The following BMP2K variants were observed in gnomAD, a reference collection of about 807,000 sequenced individuals.
BMP2K encodes BMP-2-inducible protein kinase.
In BMP2K, 74 loss-of-function variants were observed where a neutral mutation model predicts 116.0. The ratio of observed to expected loss-of-function variants is 0.64; its 90% CI spans 0.53 to 0.77. BMP2K has a LOEUF of 0.77. Ranked by LOEUF, BMP2K falls within the 30% of genes least tolerant of loss-of-function variation. The pLI is 0.00. For synonymous variants in BMP2K, 486 were observed against 502.5 expected (o/e 0.97, Z 0.44); for missense variants, 1,365 against 1,403.6 (o/e 0.97, Z 0.44).
chr4:78,837,290 A>G (rs1222555896), intron 3 of BMP2K, among the ~76,000 whole-genome samples: 1 of 152,050 alleles, frequency 6.6e-6, no homozygotes, highest in Admixed American at 6.6e-5. Flanking sequence ...TTGTGGGTTC[A>G]AGTAATTCTC....
Position 78,776,798 on chromosome 4 carries a change from C to T in BMP2K, c.178+77C>T, listed in dbSNP as rs886640839. The T allele has an allele frequency of 8.9e-5, 104 of 1,165,598 alleles. No individual in the cohort carries two copies. The Middle Eastern group carries it at 2.1e-3, about 23-fold the overall frequency. 72.2% of individuals were successfully genotyped at this position (1,165,598 alleles called of 1,614,324 possible). On this transcript the variant is annotated intron_variant, in intron 1 of 15. Transcript: ENST00000502613. ...TGGCGGCGGCTTCTCCGGGTCCTCGCCCTCCGGACTGACTCTTATACCCCA... is the reference window on the plus strand; with the variant it reads ...TGGCGGCGGCTTCTCCGGGTCCTCGTCCTCCGGACTGACTCTTATACCCCA...
intron 4 of BMP2K, among the ~76,000 whole-genome samples, chr4:78,843,536 T>G (rs917363999): frequency 6.6e-6 from 1 of 151,924 alleles, no homozygotes; most frequent in African/African-American, 2.4e-5. Context: ...TCTGACTGAT[T>G]ATACAGAATT....
chr4:78,856,746 G>C (rs920937920), intron 7 of BMP2K, among the ~76,000 whole-genome samples: 1 of 152,080 alleles, frequency 6.6e-6, no homozygotes, highest in Admixed American at 6.6e-5. Context: ...GAAGGAGCCT[G>C]TTCCTCTGTT....
intron 13 of BMP2K, among the ~76,000 whole-genome samples, chr4:78,873,392 T>C (rs1732468187): frequency 6.6e-6 from 1 of 152,342 alleles, no homozygotes; most frequent in South Asian, 2.1e-4. Context: ...GCACGTGCTT[T>C]AGCATCTTGT....
chr4:78,810,611 C>T (rs1394113966), intron 1 of BMP2K, among the ~76,000 whole-genome samples: 1 of 152,158 alleles, frequency 6.6e-6, no homozygotes, highest in Non-Finnish European at 1.5e-5. Flanking sequence ...ACAGGTCTAA[C>T]AGTGACAAGT....
intron 1 of BMP2K, among the ~76,000 whole-genome samples, chr4:78,799,841 T>G (rs902573977): frequency 2.6e-5 from 4 of 152,212 alleles, no homozygotes; most frequent in Non-Finnish European, 1.5e-5. Flanking sequence ...CAACTCAGGT[T>G]GAAAGTAGAC....
chr4:78,850,843 T>C, intron 6 of BMP2K, 81 bp from the exon 7 acceptor site: 1 of 1,476,728 alleles, frequency 6.8e-7, no homozygotes, highest in African/African-American at 1.4e-5. Context: ...ATGACTTTTT[T>C]AAAGTAACAT....
intron 1 of BMP2K, among the ~76,000 whole-genome samples, chr4:78,791,395 G>A (rs531737659): frequency 2.2e-4 from 34 of 152,098 alleles, no homozygotes; most frequent in Non-Finnish European, 4.0e-4. Context: ...GTAGTGAAAA[G>A]CATTTCATTA....
At chr4:78,898,288 A>G (rs957553941) in intron 15 of BMP2K, among the ~76,000 whole-genome samples, 6 of 152,140 alleles carry the variant, frequency 3.9e-5, no homozygotes, top group Non-Finnish European at 8.8e-5. Flanking sequence ...ATTACATTAC[A>G]TAGAGCAAAT....
At chr4:78,867,562 C>T (rs1732117473) in intron 10 of BMP2K, among the ~76,000 whole-genome samples, 1 of 152,024 alleles carries the variant, frequency 6.6e-6, no homozygotes, top group African/African-American at 2.4e-5. Context: ...CATTTCTTCA[C>T]CCTTTAAAAA....
At chr4:78,794,999 G>T (rs1244194578) in intron 1 of BMP2K, among the ~76,000 whole-genome samples, 1 of 152,134 alleles carries the variant, frequency 6.6e-6, no homozygotes, top group East Asian at 1.9e-4. Flanking sequence ...TGCTGTGTAT[G>T]CAGTAGATTC....
chr4:78,794,479 A>C (rs1416808239), intron 1 of BMP2K, among the ~76,000 whole-genome samples: 1 of 152,200 alleles, frequency 6.6e-6, no homozygotes, highest in Non-Finnish European at 1.5e-5. Flanking sequence ...CATACACTTC[A>C]TGCTGGGAAC....
intron 1 of BMP2K, 110 bp from the exon 2 acceptor site, chr4:78,825,927 C>G: frequency 1.2e-6 from 1 of 825,016 alleles, no homozygotes; most frequent in Non-Finnish European, 1.9e-6. Flanking sequence ...TTGTTTTTGT[C>G]TTGGGTACAA....
At chr4:78,868,160 A>G (rs930425626) in intron 10 of BMP2K, among the ~76,000 whole-genome samples, 2 of 152,092 alleles carry the variant, frequency 1.3e-5, no homozygotes, top group Non-Finnish European at 2.9e-5. Flanking sequence ...AAACTGGGGG[A>G]AAAAAAGAGG....
chr4:78,872,493 T>G, intron 12 of BMP2K, 121 bp from the exon 13 acceptor site: 1 of 851,902 alleles, frequency 1.2e-6, no homozygotes, highest in Non-Finnish European at 1.7e-6. Flanking sequence ...TGTAGATGAT[T>G]GTTTTTTACG....
chr4:78,822,929 A>T (rs930148706), intron 1 of BMP2K, among the ~76,000 whole-genome samples: 11 of 152,144 alleles, frequency 7.2e-5, no homozygotes, highest in Non-Finnish European at 1.5e-4. Context: ...TTGGACTACT[A>T]TAGTGTCCTA....
At chr4:78,854,604 C>T (rs1225525713) in intron 7 of BMP2K, among the ~76,000 whole-genome samples, 3 of 152,068 alleles carry the variant, frequency 2.0e-5, no homozygotes, top group East Asian at 3.9e-4. Context: ...AGCTATGTTG[C>T]CCAGGCTGGT....
rs1734578256 is a variant in BMP2K, at chr4:78,911,249, C to T, written c.2702C>T (p.Ala901Val). 3.7e-6 allele frequency: 6 copies of T among 1,613,848 alleles called. No homozygotes were observed. The highest frequency in any genetic ancestry group is 1.6e-4 in the Middle Eastern group (1 of 6,084). The change falls in exon 16 of 16, where the codon GCG becomes GTG. Residue 901 changes from alanine (A) to valine (V), a missense_variant. Ala to Val is a moderately conservative substitution (Grantham distance 64, BLOSUM62 0). Around this residue, in one of 3 missense-constraint regions of BMP2K, gnomAD observed 596 missense variants for 623.2 expected, o/e 0.96. Coordinates refer to ENST00000502613, the MANE Select transcript of BMP2K (RefSeq NM_198892.2). ...EQEEFDVFTK[A>V]PFSKKVNVQE... ...GAGGAATTTGATGTATTCACAAAGG[C>T]GCCTTTTAGCAAGAAGGTGAATGTA... is the stretch of plus-strand genomic sequence containing the variant.
intron 15 of BMP2K, among the ~76,000 whole-genome samples, chr4:78,897,084 T>TTA (rs35092801): frequency 0.061 from 9,273 of 151,612 alleles, 388 homozygotes; most frequent in East Asian, 0.22. Flanking sequence ...TAGTATGATT[T>TTA]TATATATATA....
Sources: gnomAD v4.1 joint callset for allele counts (sites outside exome capture counted in the v4.1 genomes callset) on GRCh38, gnomAD v4.1.1 for gene constraint, gnomAD v4.1.1 regional missense constraint, MANE v1.5 for transcripts, NCBI Gene and HGNC (gene_info 2026-07-23, HGNC 2026-07-21) for gene names.